The following SPECC1 variants were observed in gnomAD, a reference collection of about 807,000 sequenced individuals.
SPECC1 encodes the protein cytospin-B.
In SPECC1, 62 loss-of-function variants were observed where a neutral mutation model predicts 104.1. That is an observed-to-expected ratio of 0.60 (90% CI 0.49 to 0.74). The LOEUF is 0.74. Among genes scored for constraint, SPECC1 ranks in the 30% least tolerant of loss-of-function variants. The pLI is 0.00. For synonymous variants in SPECC1, 513 were observed against 501.6 expected, an observed-to-expected ratio of 1.02 and a Z score of -0.30; for missense variants, 1,306 against 1,310.5, an observed-to-expected ratio of 1.00 and a Z score of 0.05.
intron 1 of SPECC1, among the ~76,000 whole-genome samples, chr17:20,078,700 AAAC>A (rs1410062139): frequency 6.6e-6 from 1 of 152,368 alleles, no homozygotes; most frequent in African/African-American, 2.4e-5. Context: ...AAGTAAGCAT[AAAC>A]AATACAAACA....
intron 3 of SPECC1, among the ~76,000 whole-genome samples, chr17:20,182,287 T>C (rs2034963175): frequency 6.6e-6 from 1 of 151,940 alleles, no homozygotes; most frequent in African/African-American, 2.4e-5. Context: ...CTAAACTTTT[T>C]GTATTTTTAG....
chr17:20,050,871 G>C (rs11867652), intron 1 of SPECC1, among the ~76,000 whole-genome samples: 11,196 of 152,194 alleles, frequency 0.074, 554 homozygotes, highest in African/African-American at 0.14. Flanking sequence ...AAAGTTACTA[G>C]TAACTCTTAG....
intron 12 of SPECC1, among the ~76,000 whole-genome samples, chr17:20,296,237 A>C (rs1163551167): frequency 2.0e-5 from 3 of 152,306 alleles, no homozygotes; most frequent in Admixed American, 2.0e-4. Flanking sequence ...CTTTCTACAT[A>C]TGGCTAGCCA....
intron 3 of SPECC1, among the ~76,000 whole-genome samples, chr17:20,202,789 G>T (rs1236661616): frequency 6.6e-6 from 1 of 152,102 alleles, no homozygotes. Context: ...ATGAAAGGTT[G>T]GCACCCCTAA....
At chr17:20,081,020 G>A (rs563361311) in intron 1 of SPECC1, among the ~76,000 whole-genome samples, 1 of 152,222 alleles carries the variant, frequency 6.6e-6, no homozygotes, top group African/African-American at 2.4e-5. Context: ...GCTGTTCCCT[G>A]TGCCTGTGAG....
At chr17:20,179,280 A>G (rs2034696084) in intron 3 of SPECC1, among the ~76,000 whole-genome samples, 1 of 152,276 alleles carries the variant, frequency 6.6e-6, no homozygotes. Flanking sequence ...CAGATGCTGC[A>G]GGCACTAAAG....
At chr17:20,296,342 A>G (rs1598159563) in intron 12 of SPECC1, among the ~76,000 whole-genome samples, 1 of 152,248 alleles carries the variant, frequency 6.6e-6, no homozygotes, top group East Asian at 1.9e-4. Flanking sequence ...GATGTGTGGT[A>G]TTATTTCCGA....
At chr17:20,267,646 GAGA>G (rs2040262813) in intron 12 of SPECC1, among the ~76,000 whole-genome samples, 1 of 152,138 alleles carries the variant, frequency 6.6e-6, no homozygotes, top group Non-Finnish European at 1.5e-5. Context: ...GGGGGCACGT[GAGA>G]AGGAGCCAAG....
At chr17:20,183,005 G>A (rs2035012179) in intron 3 of SPECC1, among the ~76,000 whole-genome samples, 1 of 152,148 alleles carries the variant, frequency 6.6e-6, no homozygotes, top group Non-Finnish European at 1.5e-5. Context: ...TACTCTGGGG[G>A]AAAACATTAT....
At chr17:20,252,272 A>T (rs756932817) in intron 9 of SPECC1, among the ~76,000 whole-genome samples, 28 of 151,972 alleles carry the variant, frequency 1.8e-4, no homozygotes, top group Non-Finnish European at 2.9e-4. Flanking sequence ...TTTTTTTTAA[A>T]TTTTTAATTT....
intron 2 of SPECC1, among the ~76,000 whole-genome samples, chr17:20,108,206 G>C (rs2152520573): frequency 6.6e-6 from 1 of 150,466 alleles, no homozygotes; most frequent in East Asian, 1.9e-4. Context: ...TTTTAGCACA[G>C]TAAAGTTTTA....
intron 3 of SPECC1, among the ~76,000 whole-genome samples, chr17:20,131,805 A>G (rs2152548518): frequency 6.6e-6 from 1 of 151,712 alleles, no homozygotes; most frequent in East Asian, 2.0e-4. Context: ...GCGCACCACC[A>G]CGCCTGGCTA....
intron 3 of SPECC1, among the ~76,000 whole-genome samples, chr17:20,134,371 C>G (rs951245063): frequency 2.0e-5 from 3 of 151,848 alleles, no homozygotes; most frequent in African/African-American, 7.3e-5. Flanking sequence ...ATTCCCCACC[C>G]TCCAGCCTCA....
chr17:20,298,624 G>A (rs1009408382), intron 13 of SPECC1, among the ~76,000 whole-genome samples: 6 of 152,116 alleles, frequency 3.9e-5, no homozygotes, highest in Non-Finnish European at 7.3e-5. Flanking sequence ...TGGTAGCAAC[G>A]CAGACGGAAA....
chr17:20,269,021 C>T (rs2040310056), intron 12 of SPECC1, among the ~76,000 whole-genome samples: 1 of 152,218 alleles, frequency 6.6e-6, no homozygotes, highest in Non-Finnish European at 1.5e-5. Flanking sequence ...TTAGTCTGCA[C>T]AAACACCGAA....
intron 4 of SPECC1, among the ~76,000 whole-genome samples, chr17:20,208,562 A>G (rs918691886): frequency 6.6e-6 from 1 of 152,238 alleles, no homozygotes; most frequent in African/African-American, 2.4e-5. Flanking sequence ...CAAAACTATG[A>G]TGAAGGGTCT....
At chr17:20,181,159 T>C (rs1473538000) in intron 3 of SPECC1, among the ~76,000 whole-genome samples, 3 of 152,200 alleles carry the variant, frequency 2.0e-5, no homozygotes, top group South Asian at 4.1e-4. Flanking sequence ...ATTTGTAGAA[T>C]AGAACTGAAT....
chr17:20,047,335 G>A (rs1409513524), intron 1 of SPECC1, among the ~76,000 whole-genome samples: 1 of 152,190 alleles, frequency 6.6e-6, no homozygotes, highest in Non-Finnish European at 1.5e-5. Flanking sequence ...GAAGACTGCA[G>A]ATGGTCTGCC....
chr17:20,186,321 T>TA (rs143021200), intron 3 of SPECC1, among the ~76,000 whole-genome samples: 1 of 152,102 alleles, frequency 6.6e-6, no homozygotes, highest in East Asian at 1.9e-4. Flanking sequence ...CATTACATCT[T>TA]AAAAAAAGCA....
Sources: gnomAD v4.1 joint callset for allele counts (sites outside exome capture counted in the v4.1 genomes callset) on GRCh38, gnomAD v4.1.1 for gene constraint, MANE v1.5 for transcripts, NCBI Gene and HGNC (gene_info 2026-07-23, HGNC 2026-07-21) for gene names.